Variants in RSPO2 observed in about 807,000 individuals in gnomAD.
The protein encoded by RSPO2 is R-spondin-2.
Under a neutral mutation model 30.9 loss-of-function variants are expected in RSPO2, and 14 were observed. The observed-to-expected ratio is 0.45, with a 90% confidence interval of 0.30 to 0.71. The LOEUF is 0.71. RSPO2 is among the 30% of genes least tolerant of loss of function. The pLI is 0.08. For synonymous variants in RSPO2, 107 were observed against 96.4 expected (o/e 1.11, Z -0.64); for missense variants, 264 against 301.9 (o/e 0.87, Z 0.93).
chr8:108,052,682 T>C (rs1026657410), intron 2 of RSPO2, among the ~76,000 whole-genome samples: 2 of 152,104 alleles, frequency 1.3e-5, no homozygotes, highest in Admixed American at 6.5e-5. Flanking sequence ...GCACACACCA[T>C]CCAATTAATT....
At chr8:107,979,062 A>G (rs1015040374) in intron 3 of RSPO2, among the ~76,000 whole-genome samples, 1 of 152,186 alleles carries the variant, frequency 6.6e-6, no homozygotes, top group Non-Finnish European at 1.5e-5. Flanking sequence ...GAGAAATAGG[A>G]ACACTTTTAC....
intron 5 of RSPO2, among the ~76,000 whole-genome samples, chr8:107,923,173 C>T (rs1812239968): frequency 6.6e-6 from 1 of 152,054 alleles, no homozygotes; most frequent in Admixed American, 6.6e-5. Flanking sequence ...TATTTGCAAG[C>T]ATGCATCTGA....
At chr8:108,042,653 G>A (rs1811793419) in intron 2 of RSPO2, among the ~76,000 whole-genome samples, 1 of 152,148 alleles carries the variant, frequency 6.6e-6, no homozygotes, top group South Asian at 2.1e-4. Context: ...AAAGTGGGGA[G>A]CTTGGAGAAG....
intron 2 of RSPO2, chr8:108,072,975 A>G (rs890039680): frequency 2.6e-5 from 4 of 152,220 alleles, no homozygotes; most frequent in Admixed American, 2.0e-4. Flanking sequence ...TTTAAAAAAT[A>G]AAATAAAACC....
intron 5 of RSPO2, among the ~76,000 whole-genome samples, chr8:107,924,615 G>A (rs1374565200): frequency 6.6e-6 from 1 of 151,984 alleles, no homozygotes; most frequent in Non-Finnish European, 1.5e-5. Flanking sequence ...TATTATTAAT[G>A]TATAGTAATT....
intron 2 of RSPO2, among the ~76,000 whole-genome samples, chr8:108,062,962 A>C (rs895242169): frequency 9.2e-5 from 14 of 151,914 alleles, no homozygotes; most frequent in African/African-American, 1.7e-4. Context: ...GCAGAAAAGG[A>C]CTTTGACAAA....
intron 2 of RSPO2, among the ~76,000 whole-genome samples, chr8:108,011,795 TAA>T (rs1317115883): frequency 2.0e-5 from 3 of 152,166 alleles, no homozygotes; most frequent in Non-Finnish European, 1.5e-5. Context: ...AAAAAACACA[TAA>T]AGTCTTAATT....
intron 5 of RSPO2, among the ~76,000 whole-genome samples, chr8:107,927,710 C>G (rs549272240): frequency 1.3e-4 from 20 of 152,208 alleles, no homozygotes; most frequent in Admixed American, 1.2e-3. Flanking sequence ...TATTGGTTTG[C>G]ATATGTTGAA....
chr8:107,997,401 CT>C (rs1815066193), intron 2 of RSPO2: 1 of 152,256 alleles, frequency 6.6e-6, no homozygotes, highest in African/African-American at 2.4e-5. Context: ...TTTATTTGCT[CT>C]CTGTGAGCTT....
chr8:107,917,981 G>A (rs533128114), intron 5 of RSPO2, among the ~76,000 whole-genome samples: 4 of 152,168 alleles, frequency 2.6e-5, no homozygotes, highest in African/African-American at 7.2e-5. Context: ...TTGAATGCAC[G>A]TTTCTAATAA....
chr8:107,962,556 A>G (rs1413511361), intron 3 of RSPO2, among the ~76,000 whole-genome samples: 1 of 152,208 alleles, frequency 6.6e-6, no homozygotes, highest in Non-Finnish European at 1.5e-5. Flanking sequence ...TCACCCCATA[A>G]AAGGTTCATT....
chr8:108,070,188 G>A (rs1408315873), intron 2 of RSPO2, among the ~76,000 whole-genome samples: 4 of 151,928 alleles, frequency 2.6e-5, no homozygotes, highest in Non-Finnish European at 5.9e-5. Context: ...GCTGAGAGTC[G>A]TGGCACATGC....
intron 2 of RSPO2, among the ~76,000 whole-genome samples, chr8:108,000,465 G>A (rs1160427937): frequency 6.6e-6 from 1 of 152,072 alleles, no homozygotes; most frequent in Admixed American, 6.5e-5. Flanking sequence ...GGCAATGAAA[G>A]GTACTTTTGA....
chr8:108,069,224 C>T (rs893905113), intron 2 of RSPO2, among the ~76,000 whole-genome samples: 17 of 152,172 alleles, frequency 1.1e-4, no homozygotes, highest in African/African-American at 4.1e-4. Context: ...CACACACACA[C>T]ACACACACTC....
At chr8:108,058,422 C>T (rs1239528097) in intron 2 of RSPO2, among the ~76,000 whole-genome samples, 1 of 152,144 alleles carries the variant, frequency 6.6e-6, no homozygotes, top group East Asian at 1.9e-4. Flanking sequence ...GGCCATACTG[C>T]CCAAGGTAAT....
At chr8:108,055,629 A>G (rs541737950) in intron 2 of RSPO2, among the ~76,000 whole-genome samples, 1 of 152,330 alleles carries the variant, frequency 6.6e-6, no homozygotes, top group African/African-American at 2.4e-5. Context: ...GGTGTTGAGG[A>G]GAAAACAAGG....
chr8:107,954,705 G>C (rs1293966457), intron 5 of RSPO2, among the ~76,000 whole-genome samples: 1 of 152,054 alleles, frequency 6.6e-6, no homozygotes, highest in African/African-American at 2.4e-5. Flanking sequence ...CCACCTCCGG[G>C]GTTCAAGCCA....
At chr8:108,065,409 T>C (rs1812635377) in intron 2 of RSPO2, among the ~76,000 whole-genome samples, 1 of 152,080 alleles carries the variant, frequency 6.6e-6, no homozygotes, top group Non-Finnish European at 1.5e-5. Flanking sequence ...ATATTGTATA[T>C]TCATAATACT....
At chr8:107,979,785 G>C (rs1049733605) in intron 3 of RSPO2, among the ~76,000 whole-genome samples, 1 of 151,892 alleles carries the variant, frequency 6.6e-6, no homozygotes, top group Non-Finnish European at 1.5e-5. Flanking sequence ...TCTTGAATCT[G>C]TCTCTTCCTC....
Sources: allele counts gnomAD v4.1 joint callset (sites outside exome capture counted in the v4.1 genomes callset), GRCh38; gene constraint gnomAD v4.1.1; transcripts MANE v1.5; gene names NCBI Gene and HGNC (gene_info 2026-07-23, HGNC 2026-07-21).